DMBT1: variants seen among roughly 807,000 people sequenced by gnomAD.
DMBT1 encodes the protein deleted in malignant brain tumors 1, also known as scavenger receptor cysteine-rich domain-containing protein DMBT1.
A neutral mutation model predicts 252.9 loss-of-function variants in DMBT1; 198 were observed. The ratio of observed to expected loss-of-function variants is 0.78; its 90% CI spans 0.70 to 0.88. The LOEUF (loss-of-function observed/expected upper bound fraction) is 0.88. DMBT1 is among the 40% of genes least tolerant of loss of function. The pLI, the probability that DMBT1 is intolerant of heterozygous loss-of-function variation, is 0.00. For missense variants in DMBT1, 2,432 were observed against 2,404.7 expected (o/e 1.01, Z -0.24); for synonymous variants, 990 against 942.7 (o/e 1.05, Z -0.92).
chr10:122,634,916 C>T (rs1209945835), intron 52 of DMBT1, among the ~76,000 whole-genome samples: 2 of 152,236 alleles, frequency 1.3e-5, no homozygotes, highest in East Asian at 1.9e-4. Flanking sequence ...TCTCTAACAG[C>T]CACTGTTGAA....
intron 41 of DMBT1, 95 bp from the exon 42 acceptor site, chr10:122,619,211 TGA>T: frequency 6.7e-7 from 1 of 1,482,858 alleles, no homozygotes; most frequent in Admixed American, 1.7e-5. Context: ...TAGGATGGAC[TGA>T]GTGTCAGGCT....
rs1307289777 is a variant in DMBT1, at chr10:122,576,541, G to A, written c.426G>A (p.Gln142=). Reference sequence around the variant, plus strand: ...ATGATGCCAACGTGGTCTGTAGGCAGCTGGGTTGTGGCTGGGCCATGTCAG... The same window carrying A: ...ATGATGCCAACGTGGTCTGTAGGCAACTGGGTTGTGGCTGGGCCATGTCAG... The part of the protein sequence containing the change: ...DTNDANVVCR[Q]LGCGWAMSAP... Residue 142 remains glutamine, a synonymous_variant, in exon 7 of 56, where the codon CAG becomes CAA. Coordinates refer to ENST00000338354, the MANE Select transcript of DMBT1 (RefSeq NM_001377530.1). 2 of 1,614,002 alleles carry A rather than the reference G, an allele frequency of 1.2e-6. No homozygotes were observed. Among genetic ancestry groups the A allele is most frequent in the East Asian group, 2.2e-5 (1 of 44,882 alleles).
rs2097788553 is a variant in DMBT1 at position 122,586,269 on chromosome 10, G to A, written c.1669G>A (p.Val557Ile). The A allele has an allele frequency of 6.3e-7, 1 of 1,588,802 alleles. No homozygotes were observed. The highest frequency in any genetic ancestry group is 1.3e-5 in the African/African-American group (1 of 74,638). ...GTTTGGTCAGGGCTCAGGACCCATT[G>A]TCCTGGATGACGTGCGCTGCTCAGG... is the stretch of plus-strand genomic sequence containing the variant. ...ARFGQGSGPIVLDDVRCSGNE... is the reference protein window; with the variant it reads ...ARFGQGSGPIILDDVRCSGNE... Residue 557 changes from valine (V) to isoleucine (I), a missense_variant, in exon 16 of 56, where the codon GTC becomes ATC. Transcript: ENST00000338354.
chr10:122,643,185 G>T lies in DMBT1; in HGVS notation c.7416G>T (p.Arg2472=). The part of the protein sequence containing the change: ...SSPSLRIARF[R]FRAFHFLNRF... ...CATCTCTTCGCATTGCCCGCTTCCG[G>T]TTCAGGGCCTTCCACTTCCTGAACC... Residue 2472 remains arginine, a synonymous_variant, in exon 56 of 56, where the codon CGG becomes CGT. Transcript: ENST00000338354. 6.2e-7 allele frequency: 1 copy of T among 1,613,954 alleles called. No homozygotes were observed. Among genetic ancestry groups the T allele is most frequent in the Non-Finnish European group, 8.5e-7 (1 of 1,179,864 alleles).
chr10:122,625,395 C>T, intron 45 of DMBT1, 92 bp downstream of exon 45: 1 of 1,239,264 alleles, frequency 8.1e-7, no homozygotes, highest in East Asian at 2.4e-5. Context: ...GTAGACTCCC[C>T]CTGGGGGGGT....
At chr10:122,570,272 C>A (rs898509953) in intron 3 of DMBT1, 63 bp downstream of exon 3, 16 of 1,325,772 alleles carry the variant, frequency 1.2e-5, no homozygotes, top group Non-Finnish European at 1.6e-5. Flanking sequence ...AGGTTCATCT[C>A]TGATCCAGAA....
At chr10:122,617,828 C>T (rs553335396) in intron 40 of DMBT1, among the ~76,000 whole-genome samples, 189 bp from the exon 41 acceptor site, 3 of 151,722 alleles carry the variant, frequency 2.0e-5, no homozygotes, top group South Asian at 2.1e-4. Flanking sequence ...CCTCCATAAA[C>T]CCAGGCAGCA....
At chr10:122,573,038 G>A (rs1468285488) in intron 5 of DMBT1, among the ~76,000 whole-genome samples, 3 of 152,122 alleles carry the variant, frequency 2.0e-5, no homozygotes, top group Non-Finnish European at 4.4e-5. Context: ...ACACCAAGAG[G>A]TTTTTTTAAT....
chr10:122,634,428 TCTTCTCTCTCTC>T (rs1566006281), intron 52 of DMBT1, among the ~76,000 whole-genome samples: 1 of 78,444 alleles, frequency 1.3e-5, no homozygotes. Context: ...TCTCTCTCTC[TCTTCTCTCTCTC>T]TCTCTCTCTC....
intron 18 of DMBT1, 112 bp from the exon 19 acceptor site, chr10:122,591,367 G>A: frequency 1.6e-6 from 2 of 1,251,480 alleles, no homozygotes; most frequent in South Asian, 1.3e-5. Flanking sequence ...CAAGTGGCAG[G>A]AACTAGAAAT....
intron 1 of DMBT1, among the ~76,000 whole-genome samples, chr10:122,564,893 G>T (rs1012092691): frequency 1.3e-5 from 2 of 151,910 alleles, no homozygotes; most frequent in Non-Finnish European, 2.9e-5. Context: ...TTCCTCTTCT[G>T]GTTCATCTAA....
Position 122,597,974 on chromosome 10 carries a change from A to G in DMBT1, c.2918A>G (p.Asp973Gly), listed in dbSNP as rs768465510. ...AAHSWSTPSP[D>G]TLPTITLPAS... Reference sequence around the variant, plus strand: ...GCCTTTGTCTCTGTTGCAATTACAGACACATTGCCGACCATCACCTTGCCT... The same window carrying G: ...GCCTTTGTCTCTGTTGCAATTACAGGCACATTGCCGACCATCACCTTGCCT... The change falls in exon 25 of 56, where the codon GAC becomes GGC. Residue 973 changes from aspartate (D) to glycine (G), a missense_variant and splice_region_variant. Around this residue, in one of 3 missense-constraint regions of DMBT1, gnomAD observed 1,264 missense variants for 1,082.2 expected, o/e 1.17. Coordinates refer to ENST00000338354, the MANE Select transcript of DMBT1 (RefSeq NM_001377530.1). The G allele has an allele frequency of 8.7e-6, 14 of 1,613,936 alleles. No homozygotes were observed. In the Admixed American group the frequency reaches 1.7e-4, roughly 19 times the overall value.
At chr10:122,587,516 G>A (rs781436247) in intron 16 of DMBT1, among the ~76,000 whole-genome samples, 1 of 148,532 alleles carries the variant, frequency 6.7e-6, no homozygotes, top group African/African-American at 2.4e-5. Context: ...TGGGCTAGAA[G>A]ATCACAGGCT....
intron 8 of DMBT1, among the ~76,000 whole-genome samples, chr10:122,578,122 G>A (rs2097729049): frequency 6.6e-6 from 1 of 152,154 alleles, no homozygotes; most frequent in Non-Finnish European, 1.5e-5. Flanking sequence ...AATGAGCTTT[G>A]GCCTCTTTAT....
rs115409611 is a variant in DMBT1, at chr10:122,626,574, A to G, written c.5668+609A>G. ...TCAATGTCATTGTAGTGCCTGGTAC[A>G]TAGAATGTACTTCATGCATATTAAC... is the stretch of plus-strand genomic sequence containing the variant. On this transcript the variant is annotated intron_variant, in intron 46 of 55. Transcript: ENST00000338354. Among the ~76,000 whole-genome samples, 388 of 152,336 alleles carry G rather than the reference A, an allele frequency of 2.5e-3. 3 individuals are homozygous for G. Among genetic ancestry groups the G allele is most frequent in the African/African-American group, 8.9e-3 (371 of 41,584 alleles).
At chr10:122,617,049 G>C (rs867356140) in intron 39 of DMBT1, among the ~76,000 whole-genome samples, 179 bp from the exon 40 acceptor site, 2 of 145,742 alleles carry the variant, frequency 1.4e-5, no homozygotes, top group African/African-American at 5.3e-5. Context: ...TCTCCAGCAG[G>C]ACCTTTGTTC....
chr10:122,578,315 G>T (rs2097731213), intron 8 of DMBT1, among the ~76,000 whole-genome samples: 1 of 152,216 alleles, frequency 6.6e-6, no homozygotes, highest in Non-Finnish European at 1.5e-5. Context: ...GAGAGGCTAA[G>T]AAATGTTTCT....
intron 19 of DMBT1, 117 bp from the exon 20 acceptor site, chr10:122,592,155 A>G (rs1030996493): frequency 2.0e-6 from 3 of 1,465,142 alleles, no homozygotes; most frequent in Admixed American, 3.7e-5. Flanking sequence ...GTCGTATTCA[A>G]TCGTGACTGC....
chr10:122,629,090 C>G (rs1209950688), intron 46 of DMBT1, among the ~76,000 whole-genome samples: 1 of 152,138 alleles, frequency 6.6e-6, no homozygotes, highest in African/African-American at 2.4e-5. Context: ...AATATTTATC[C>G]TTTTCTGATA....
Sources: allele counts gnomAD v4.1 joint callset (sites outside exome capture counted in the v4.1 genomes callset), GRCh38; gene constraint gnomAD v4.1.1; regional missense constraint gnomAD v4.1.1; transcripts MANE v1.5; gene names NCBI Gene and HGNC (gene_info 2026-07-23, HGNC 2026-07-21).